The following ZNF423 variants were observed in gnomAD, a reference collection of about 807,000 sequenced individuals.
ZNF423 encodes the protein zinc finger protein 423, also known as Ebf-associated zinc finger protein.
ZNF423 carries 12 observed loss-of-function variants against 95.8 expected under a neutral mutation model. The observed-to-expected ratio is 0.13, with a 90% CI of 0.08 to 0.20. The LOEUF is 0.20. ZNF423 is among the 10% of genes least tolerant of loss of function. The pLI is 1.00. For missense variants in ZNF423, 1,316 were observed against 1,737.1 expected (o/e 0.76, Z 4.31); for synonymous variants, 749 against 711.9 (o/e 1.05, Z -0.83).
intron 3 of ZNF423, among the ~76,000 whole-genome samples, chr16:49,697,731 G>A (rs923715623): frequency 3.3e-5 from 5 of 152,242 alleles, no homozygotes; most frequent in East Asian, 1.9e-4. Context: ...GTGCGTTCAC[G>A]CGTGTTTCTG....
intron 5 of ZNF423, among the ~76,000 whole-genome samples, chr16:49,535,737 G>A (rs1429010332): frequency 6.6e-6 from 1 of 152,178 alleles, no homozygotes; most frequent in African/African-American, 2.4e-5. Context: ...GATCACCTCA[G>A]AAAATGAAGA....
At chr16:49,792,130 G>T (rs532191736) in intron 1 of ZNF423, among the ~76,000 whole-genome samples, 1 of 150,868 alleles carries the variant, frequency 6.6e-6, no homozygotes, top group Non-Finnish European at 1.5e-5. Flanking sequence ...TTCTTTTATT[G>T]ATTTAGTCAT....
At chr16:49,649,663 A>AGG (rs879700125) in intron 3 of ZNF423, among the ~76,000 whole-genome samples, 153 of 71,000 alleles carry the variant, frequency 2.2e-3, no homozygotes, top group Admixed American at 5.4e-3. Flanking sequence ...ACACACACAC[A>AGG]CACACAGGGA....
intron 5 of ZNF423, among the ~76,000 whole-genome samples, chr16:49,552,485 G>A (rs954918697): frequency 1.3e-5 from 2 of 152,138 alleles, no homozygotes; most frequent in Non-Finnish European, 2.9e-5. Context: ...ATGTGCTGAC[G>A]CCACTACTCC....
intron 2 of ZNF423, among the ~76,000 whole-genome samples, chr16:49,733,004 A>C (rs902603825): frequency 2.0e-5 from 3 of 152,250 alleles, no homozygotes; most frequent in African/African-American, 7.2e-5. Context: ...AGAACGCGCC[A>C]ACTCCTGGCA....
At chr16:49,639,094 G>T (rs923210670) in intron 3 of ZNF423, among the ~76,000 whole-genome samples, 1 of 152,188 alleles carries the variant, frequency 6.6e-6, no homozygotes, top group Non-Finnish European at 1.5e-5. Context: ...AAGGGGGAGC[G>T]CCTTTTCCCT....
At chr16:49,664,160 G>A (rs1008705277) in intron 3 of ZNF423, 53 of 985,474 alleles carry the variant, frequency 5.4e-5, no homozygotes, top group Non-Finnish European at 6.1e-5. Context: ...ACCTGAGCCC[G>A]GGTTCCCAGC....
intron 5 of ZNF423, among the ~76,000 whole-genome samples, chr16:49,527,547 T>G (rs915056004): frequency 1.3e-5 from 2 of 151,990 alleles, no homozygotes; most frequent in African/African-American, 4.8e-5. Flanking sequence ...AGAAAGAGAC[T>G]CCACCCTTAC....
intron 1 of ZNF423, among the ~76,000 whole-genome samples, chr16:49,842,674 A>G (rs2035203139): frequency 6.6e-6 from 1 of 152,156 alleles, no homozygotes; most frequent in African/African-American, 2.4e-5. Flanking sequence ...ATTGCCAAAA[A>G]GAAAACGGAA....
intron 5 of ZNF423, among the ~76,000 whole-genome samples, chr16:49,570,825 A>G (rs913952902): frequency 6.6e-6 from 1 of 152,244 alleles, no homozygotes; most frequent in Non-Finnish European, 1.5e-5. Context: ...AGGCCAGGGC[A>G]GCCTCCATCC....
chr16:49,500,458 T>C (rs1042857555), intron 7 of ZNF423, among the ~76,000 whole-genome samples: 1 of 152,122 alleles, frequency 6.6e-6, no homozygotes, highest in Non-Finnish European at 1.5e-5. Flanking sequence ...GGACAGCTCA[T>C]CTCAAATATG....
chr16:49,716,502 T>TA (rs1396414182), intron 3 of ZNF423, among the ~76,000 whole-genome samples: 1 of 152,138 alleles, frequency 6.6e-6, no homozygotes, highest in African/African-American at 2.4e-5. Context: ...GGCAGCCAAA[T>TA]CCTAGCCAGT....
chr16:49,532,088 T>A (rs1413434235), intron 5 of ZNF423, among the ~76,000 whole-genome samples: 1 of 152,230 alleles, frequency 6.6e-6, no homozygotes. Flanking sequence ...TGGAAGGATC[T>A]CTTAAAAGGC....
chr16:49,855,038 T>C lies in ZNF423; in HGVS notation c.40+697A>G, dbSNP rs1209102535. 2 of 981,844 alleles carry C rather than the reference T, an allele frequency of 2.0e-6. No individual in the cohort carries two copies. Among genetic ancestry groups the C allele is most frequent in the African/African-American group, 3.6e-5 (2 of 56,110 alleles). 60.8% of individuals were successfully genotyped at this position (981,844 alleles called of 1,614,324 possible). A position where few individuals can be genotyped will look rare whatever the true frequency, so the allele number is the denominator to read the frequency against. On this transcript the variant is annotated intron_variant, in intron 1 of 7. Transcript: ENST00000563137. The surrounding 1 kb of genome is among the most constrained non-coding windows in gnomAD (Gnocchi z 4.7). The stretch of plus-strand genomic sequence containing the variant: ...GAGGACCTGCGTCCCGCCGGCGCCG[T>C]GCAGACAATGAACTCCTGGCGGAGG...
upstream of ZNF423, chr16:49,856,280 A>C (rs1174528738): frequency 1.4e-5 from 2 of 145,612 alleles, no homozygotes; most frequent in Admixed American, 1.4e-4. Context: ...TTTTTGTGCA[A>C]AGTTTGCAGG....
chr16:49,717,198 C>G (rs1169962289), intron 3 of ZNF423, among the ~76,000 whole-genome samples: 1 of 152,116 alleles, frequency 6.6e-6, no homozygotes. Context: ...AAGGGGTGGA[C>G]AGGTCTCATC....
At chr16:49,582,214 G>A (rs1043533996) in intron 5 of ZNF423, among the ~76,000 whole-genome samples, 2 of 152,190 alleles carry the variant, frequency 1.3e-5, no homozygotes, top group Admixed American at 6.5e-5. Flanking sequence ...ATCCTACTCT[G>A]TTCCCTTCCT....
chr16:49,547,797 G>A (rs913308834), intron 5 of ZNF423, among the ~76,000 whole-genome samples: 15 of 152,208 alleles, frequency 9.9e-5, no homozygotes, highest in Non-Finnish European at 1.3e-4. Flanking sequence ...GCAACCACAC[G>A]CCTGGCATCT....
intron 5 of ZNF423, among the ~76,000 whole-genome samples, chr16:49,602,637 G>A (rs1054456430): frequency 6.6e-6 from 1 of 152,204 alleles, no homozygotes; most frequent in Non-Finnish European, 1.5e-5. Context: ...CGCAGGCCCA[G>A]GGCACAGGCT....
Sources: allele counts gnomAD v4.1 joint callset (sites outside exome capture counted in the v4.1 genomes callset), GRCh38; gene constraint gnomAD v4.1.1; non-coding constraint Gnocchi (gnomAD v3.1); transcripts MANE v1.5; gene names NCBI Gene and HGNC (gene_info 2026-07-23, HGNC 2026-07-21).